Variants in KLF8 observed in about 807,000 individuals in gnomAD.
The protein encoded by KLF8 is Krueppel-like factor 8.
KLF8 carries 10 observed loss-of-function variants against 18.2 expected under a neutral mutation model. The ratio of observed to expected loss-of-function variants is 0.55; its 90% confidence interval spans 0.34 to 0.93. The LOEUF (loss-of-function observed/expected upper bound fraction) is 0.93. KLF8 is among the 40% of genes least tolerant of loss of function. KLF8 has a pLI of 0.02. For synonymous variants in KLF8, 109 were observed against 97.3 expected (o/e 1.12, Z -0.71); for missense variants, 264 against 277.9 (o/e 0.95, Z 0.36).
the KLF8 span, among the ~76,000 whole-genome samples, chrX:56,177,099 A>G: frequency 9.1e-6 from 1 of 110,487 alleles, no homozygotes; most frequent in Non-Finnish European, 1.9e-5. Context: ...TCTTCTCTCA[A>G]CTCGTCAAAA....
At chrX:55,909,792 T>C in the KLF8 span, among the ~76,000 whole-genome samples, 12 of 112,429 alleles carry the variant, frequency 1.1e-4, no homozygotes, top group African/African-American at 3.9e-4. Context: ...GGAAAGCTAA[T>C]GCCACTTTGG....
chrX:55,998,944 G>T, the KLF8 span, among the ~76,000 whole-genome samples: 1 of 108,890 alleles, frequency 9.2e-6, no homozygotes, highest in African/African-American at 3.3e-5. Context: ...GCATTGTTTA[G>T]GTTTTCTTCT....
chrX:55,991,077 G>A, the KLF8 span, among the ~76,000 whole-genome samples: 12 of 112,148 alleles, frequency 1.1e-4, no homozygotes, highest in Admixed American at 4.7e-4. Context: ...CTTTTTGTTT[G>A]GCTATACCCT....
At chrX:56,121,193 A>T in the KLF8 span, among the ~76,000 whole-genome samples, 2 of 109,743 alleles carry the variant, frequency 1.8e-5, no homozygotes, top group Non-Finnish European at 3.8e-5. Context: ...CTCAAAAAAA[A>T]AAAAAAAAAA....
At chrX:56,204,175 TTG>T in the KLF8 span, among the ~76,000 whole-genome samples, 1 of 111,863 alleles carries the variant, frequency 8.9e-6, no homozygotes, top group African/African-American at 3.2e-5. Flanking sequence ...ATATAATTTT[TTG>T]TGTGGCCATT....
chrX:56,206,908 A>T, the KLF8 span, among the ~76,000 whole-genome samples: 1 of 112,397 alleles, frequency 8.9e-6, no homozygotes, highest in African/African-American at 3.2e-5. Context: ...ATTTCCATAC[A>T]TCCTCTTAAA....
chrX:56,117,389 A>G, the KLF8 span, among the ~76,000 whole-genome samples: 3 of 111,624 alleles, frequency 2.7e-5, no homozygotes, highest in Admixed American at 2.9e-4. Context: ...CTTAGACAAA[A>G]TTGAGGTTTT....
chrX:55,908,354 C>A, the KLF8 span: 1 of 286,865 alleles, frequency 3.5e-6, no homozygotes, highest in African/African-American at 2.8e-5. Flanking sequence ...GTGGGACGAA[C>A]AACCAAGTTG....
At chrX:56,070,025 G>A in the KLF8 span, among the ~76,000 whole-genome samples, 2 of 112,563 alleles carry the variant, frequency 1.8e-5, no homozygotes, top group East Asian at 5.5e-4. Flanking sequence ...AGATAGACTG[G>A]ATAAAGAAAA....
chrX:56,047,419 C>A, the KLF8 span, among the ~76,000 whole-genome samples: 1 of 101,143 alleles, frequency 9.9e-6, no homozygotes, highest in Non-Finnish European at 2.0e-5. Context: ...CTCCCCCCTC[C>A]CCCACCTCAC....
the KLF8 span, among the ~76,000 whole-genome samples, chrX:55,920,505 T>C: frequency 9.0e-6 from 1 of 111,120 alleles, no homozygotes; most frequent in Non-Finnish European, 1.9e-5. Context: ...GAAGTCCAAC[T>C]TAAGTAAATC....
chrX:56,052,839 G>A, the KLF8 span, among the ~76,000 whole-genome samples: 3 of 111,549 alleles, frequency 2.7e-5, no homozygotes, highest in African/African-American at 9.8e-5. Context: ...AATCAAGCCT[G>A]GGCAATGGCG....
At chrX:56,062,744 A>G in the KLF8 span, among the ~76,000 whole-genome samples, 1 of 111,186 alleles carries the variant, frequency 9.0e-6, no homozygotes, top group African/African-American at 3.3e-5. Flanking sequence ...CCTGGATAAT[A>G]TCCAGGAGAG....
intron 5 of KLF8, among the ~76,000 whole-genome samples, chrX:56,282,556 G>A (rs2067215655): frequency 8.9e-6 from 1 of 111,846 alleles, no homozygotes; most frequent in East Asian, 2.8e-4. Context: ...CAAACACTTG[G>A]GAGGGTTGGT....
chrX:56,051,021 A>C, the KLF8 span, among the ~76,000 whole-genome samples: 2 of 109,910 alleles, frequency 1.8e-5, no homozygotes, highest in African/African-American at 6.6e-5. Flanking sequence ...ACCATTATGT[A>C]ATGGCCTTCT....
the KLF8 span, among the ~76,000 whole-genome samples, chrX:56,053,298 A>G: frequency 7.2e-5 from 8 of 111,489 alleles, no homozygotes; most frequent in Admixed American, 2.8e-4. Context: ...TGTTTTGTTT[A>G]TATAATGAAT....
chrX:56,011,699 A>T, the KLF8 span, among the ~76,000 whole-genome samples: 2 of 111,694 alleles, frequency 1.8e-5, no homozygotes, highest in Non-Finnish European at 1.9e-5. Context: ...TTTAAGAAAT[A>T]GACCACTAGT....
chrX:56,263,008 C>A (rs1024688304), intron 2 of KLF8, among the ~76,000 whole-genome samples: 8 of 112,260 alleles, frequency 7.1e-5, no homozygotes, highest in African/African-American at 2.6e-4. Flanking sequence ...AAAGAGATAA[C>A]ATTTTTTCTT....
chrX:56,080,706 A>T, the KLF8 span, among the ~76,000 whole-genome samples: 1 of 111,364 alleles, frequency 9.0e-6, no homozygotes, highest in Non-Finnish European at 1.9e-5. Context: ...GCCTTGCTAG[A>T]TTGGGGAAAT....
Sources: gnomAD v4.1 joint callset for allele counts (sites outside exome capture counted in the v4.1 genomes callset) on GRCh38, gnomAD v4.1.1 for gene constraint, MANE v1.5 for transcripts, NCBI Gene and HGNC (gene_info 2026-07-23, HGNC 2026-07-21) for gene names.